Variants in S1PR5 observed in about 807,000 individuals in gnomAD.
The protein encoded by S1PR5 is sphingosine 1-phosphate receptor 5.
For missense variants in S1PR5, 583 were observed against 571.7 expected (o/e 1.02, Z -0.20); for synonymous variants, 307 against 284.7 (o/e 1.08, Z -0.79).
Position 10,514,862 on chromosome 19 carries a change from G to A in S1PR5, c.150C>T (p.Ile50=), listed in dbSNP as rs1403868564. The change falls in exon 2 of 2, where the codon ATC becomes ATT. Residue 50 remains isoleucine, a synonymous_variant. Transcript: ENST00000333430. ...ACAACACGGCTAGATTCTCTAGCAC[G>A]ATGAAGGCGCACACCGCCAGGCACA... ...AVVCLAVCAF[I]VLENLAVLLV... The A allele has an allele frequency of 6.2e-7, 1 of 1,612,780 alleles. No homozygotes were observed. The highest frequency in any genetic ancestry group is 2.2e-5 in the East Asian group (1 of 44,862).
chr19:10,514,077 T>C lies in S1PR5; in HGVS notation c.935A>G (p.Asp312Gly). Reference sequence around the variant, plus strand: ...CAGGCGCAGGAGCGCGTGGCGCAGGTCGCGGTTGGTGAGCGTGTAGATGAT... The same window carrying C: ...CAGGCGCAGGAGCGCGTGGCGCAGGCCGCGGTTGGTGAGCGTGTAGATGAT... ...NPIIYTLTNR[D>G]LRHALLRLVC... is the part of the protein sequence containing the mutation. Residue 312 changes from aspartate (D) to glycine (G), a missense_variant, in exon 2 of 2, where the codon GAC becomes GGC. Asp to Gly is a moderately conservative substitution (Grantham distance 94). Coordinates refer to ENST00000333430, the MANE Select transcript of S1PR5 (RefSeq NM_030760.5). The C allele has an allele frequency of 6.2e-7, 1 of 1,612,578 alleles. No individual in the cohort carries two copies. The highest frequency in any genetic ancestry group is 8.5e-7 in the Non-Finnish European group (1 of 1,179,772).
Position 10,513,462 on chromosome 19 carries a change from A to C in S1PR5, c.*353T>G. 1 of 493,622 alleles carries C rather than the reference A, an allele frequency of 2.0e-6. No individual in the cohort carries two copies. The highest frequency in any genetic ancestry group is 3.7e-5 in the South Asian group (1 of 27,030). 30.6% of individuals were successfully genotyped at this position (493,622 alleles called of 1,614,324 possible). On this transcript the variant is annotated 3_prime_UTR_variant, in exon 2 of 2. Coordinates refer to ENST00000333430, the MANE Select transcript of S1PR5 (RefSeq NM_030760.5). The stretch of plus-strand genomic sequence containing the variant: ...GGGCCTTTGCGCATGCCATTCCCTC[A>C]TCCTGAAATGCTTTTCTTTTGGTCT...
In S1PR5 at chr19:10,513,912, G is replaced by A. The variant is rs973534398; in HGVS notation, c.1100C>T (p.Ser367Leu). The A allele has an allele frequency of 6.2e-7, 1 of 1,608,076 alleles. No individual in the cohort carries two copies. The highest frequency in any genetic ancestry group is 8.5e-7 in the Non-Finnish European group (1 of 1,178,344). ...DGSFSGSERSSPQRDGLDTSG... is the reference protein window; with the variant it reads ...DGSFSGSERSLPQRDGLDTSG... ...GGTGTCCAGCCCGTCGCGCTGGGGC[G>A]ATGAGCGCTCCGAGCCGCTGAAGCT... is the stretch of plus-strand genomic sequence containing the variant. Residue 367 changes from serine (S) to leucine (L), a missense_variant, in exon 2 of 2, where the codon TCG becomes TTG. Transcript: ENST00000333430.
chr19:10,516,593 G>T (rs1915443485), intron 1 of S1PR5, among the ~76,000 whole-genome samples: 2 of 116,094 alleles, frequency 1.7e-5, no homozygotes, highest in African/African-American at 6.4e-5. Context: ...GGTGACAAGA[G>T]AGAAACTCCG....
chr19:10,517,591 G>T, upstream of S1PR5: 1 of 985,328 alleles, frequency 1.0e-6, no homozygotes, highest in Non-Finnish European at 1.2e-6. Context: ...TGTGCCACTC[G>T]CCGCGGCACC....
chr19:10,515,369 T>A (rs1231096945), intron 1 of S1PR5, among the ~76,000 whole-genome samples: 6 of 152,174 alleles, frequency 3.9e-5, no homozygotes, highest in Admixed American at 3.9e-4. Flanking sequence ...GGCTCAGGCC[T>A]GGGAGGCCAA....
chr19:10,517,742 C>T (rs1009118419), upstream of S1PR5: 11 of 972,816 alleles, frequency 1.1e-5, no homozygotes, highest in Middle Eastern at 5.3e-4. Context: ...AGGGCGGTCG[C>T]AGCCTGAGCC....
chr19:10,517,300 T>C, intron 1 of S1PR5, 98 bp downstream of exon 1: 1 of 879,460 alleles, frequency 1.1e-6, no homozygotes, highest in Non-Finnish European at 1.4e-6. Context: ...CTGCAAGGAG[T>C]GGTGCGCCTT....
Position 10,513,765 on chromosome 19 carries a change from A to G in S1PR5, c.*50T>C. The G allele has an allele frequency of 6.3e-7, 1 of 1,581,432 alleles. No homozygotes were observed. Among genetic ancestry groups the G allele is most frequent in the South Asian group, 1.1e-5 (1 of 87,180 alleles). Reference sequence around the variant, plus strand: ...GCATTTCCTACAAATTCCTTTATGTAAAAAGAACAAGTCTGTAAAACTTGG... The same window carrying G: ...GCATTTCCTACAAATTCCTTTATGTGAAAAGAACAAGTCTGTAAAACTTGG... On this transcript the variant is annotated 3_prime_UTR_variant, in exon 2 of 2. Coordinates refer to ENST00000333430, the MANE Select transcript of S1PR5 (RefSeq NM_030760.5).
intron 1 of S1PR5, 139 bp from the exon 2 acceptor site, chr19:10,515,168 G>A: frequency 2.8e-6 from 3 of 1,087,880 alleles, no homozygotes; most frequent in Non-Finnish European, 3.8e-6. Flanking sequence ...GTTCAGGATG[G>A]AGGGATAGAG....
chr19:10,514,427 G>A lies in S1PR5; in HGVS notation c.585C>T (p.Leu195=). 1.2e-6 allele frequency: 2 copies of A among 1,609,820 alleles called. No individual in the cohort carries two copies. The highest frequency in any genetic ancestry group is 1.7e-6 in the Non-Finnish European group (2 of 1,178,470). The change falls in exon 2 of 2, where the codon CTC becomes CTT. Residue 195 remains leucine (L), a synonymous_variant. Transcript: ENST00000333430. ...VLPLYAKAYV[L]FCVLAFVGIL... Reference sequence around the variant, plus strand: ...TGCCCACGAAGGCGAGCACGCAGAAGAGCACGTAGGCCTTGGCGTAGAGCG... The same window carrying A: ...TGCCCACGAAGGCGAGCACGCAGAAAAGCACGTAGGCCTTGGCGTAGAGCG...
chr19:10,514,947 G>A lies in S1PR5; in HGVS notation c.65C>T (p.Thr22Ile). The change falls in exon 2 of 2, where the codon ACC becomes ATC. Residue 22 changes from threonine to isoleucine, a missense_variant. By Grantham distance (89) the Thr-to-Ile change is moderately conservative (BLOSUM62 -1). Coordinates refer to ENST00000333430, the MANE Select transcript of S1PR5 (RefSeq NM_030760.5). ...GTAGCGCGCACCGCGGAGCTTGCCG[G>A]TGTAGTTGTAATGCAGGACGATGAC... The part of the protein sequence containing the change: ...SEVIVLHYNY[T>I]GKLRGARYQP... 1 of 1,605,308 alleles carries A rather than the reference G, an allele frequency of 6.2e-7. No individual in the cohort carries two copies. Among genetic ancestry groups the A allele is most frequent in the Non-Finnish European group, 8.5e-7 (1 of 1,177,916 alleles).
chr19:10,514,770 G>T lies in S1PR5; in HGVS notation c.242C>A (p.Ser81Ter). 1 of 1,612,990 alleles carries T rather than the reference G, an allele frequency of 6.2e-7. No individual in the cohort carries two copies. The highest frequency in any genetic ancestry group is 8.5e-7 in the Non-Finnish European group (1 of 1,179,726). The change falls in exon 2 of 2, where the codon TCG becomes TAG. Residue 81 changes from serine (S) to a stop codon, truncating the protein, a stop_gained. Transcript: ENST00000333430. LOFTEE classifies it low-confidence loss of function (END_TRUNC). ...MFLLLGSLTL[S>*]DLLAGAAYAA... The stretch of plus-strand genomic sequence containing the variant: ...GTAGGCGGCGCCTGCCAGCAGATCC[G>T]ACAACGTGAGGCTGCCCAGGAGCAG...
In S1PR5 at chr19:10,513,792, AAG is replaced by A; in HGVS notation, c.*21_*22del. 6.2e-7 allele frequency: 1 copy of A among 1,604,618 alleles called. No individual in the cohort carries two copies. The highest frequency in any genetic ancestry group is 1.1e-5 in the South Asian group (1 of 89,940). On this transcript the variant is annotated 3_prime_UTR_variant, in exon 2 of 2. Coordinates refer to ENST00000333430, the MANE Select transcript of S1PR5 (RefSeq NM_030760.5). ...AAAGAACAAGTCTGTAAAACTTGGG[AAG>A]ACAGTCGTGGGCCGAGGGTGTCAGT... is the stretch of plus-strand genomic sequence containing the variant.
In S1PR5 at chr19:10,517,447, T is replaced by G; in HGVS notation, c.-68A>C. On this transcript the variant is annotated 5_prime_UTR_variant, in exon 1 of 2. Coordinates refer to ENST00000333430, the MANE Select transcript of S1PR5 (RefSeq NM_030760.5). ...CGCAGTCGCGCTGCCTTGAACCGAG[T>G]GAGCGGACGCCGCTCCGGGGGCGGG... 1.0e-6 allele frequency: 1 copy of G among 985,434 alleles called. No homozygotes were observed. Among genetic ancestry groups the G allele is most frequent in the Middle Eastern group, 5.2e-4 (1 of 1,914 alleles). The allele number at this position is 985,434 out of a possible 1,614,324, so 61.0% of individuals were successfully genotyped here. A position where few individuals can be genotyped will look rare whatever the true frequency, so the allele number is the denominator to read the frequency against.
Position 10,514,489 on chromosome 19 carries a change from A to G in S1PR5, c.523T>C (p.Cys175Arg). ...LGLLPALGWN[C>R]LGRLDACSTV... is the part of the protein sequence containing the mutation. ...GAGCAAGCGTCCAGGCGACCCAGGC[A>G]ATTCCAGCCCAGCGCTGGCAGGAGC... Residue 175 changes from cysteine to arginine, a missense_variant, in exon 2 of 2, where the codon TGC becomes CGC. Transcript: ENST00000333430. The G allele has an allele frequency of 1.2e-6, 2 of 1,604,658 alleles. No homozygotes were observed. Among genetic ancestry groups the G allele is most frequent in the Non-Finnish European group, 1.7e-6 (2 of 1,176,418 alleles).
rs1229366745 is a variant in S1PR5, at chr19:10,513,005, AT to A, written c.*809del. The stretch of plus-strand genomic sequence containing the variant: ...ATTTGGCTGAGTCTCCCAGAGTCAA[AT>A]TTGGGGGTGCCCCACCCTTGGCATT... On this transcript the variant is annotated 3_prime_UTR_variant, in exon 2 of 2. Transcript: ENST00000333430. 6.6e-6 allele frequency: 1 copy of A among 152,242 alleles called. No homozygotes were observed. The highest frequency in any genetic ancestry group is 1.5e-5 in the Non-Finnish European group (1 of 68,064). The allele number at this position is 152,242 out of a possible 1,614,324, so 9.4% of individuals were successfully genotyped here.
Position 10,517,407 on chromosome 19 carries a change from T to C in S1PR5, c.-28A>G, listed in dbSNP as rs546433617. The stretch of plus-strand genomic sequence containing the variant: ...AGTGCAGTCCACTCACTCTGCGCCC[T>C]GGTCGTGCGCCACCCGCAGTCGCGC... On this transcript the variant is annotated 5_prime_UTR_variant, in exon 1 of 2. Coordinates refer to ENST00000333430, the MANE Select transcript of S1PR5 (RefSeq NM_030760.5). 1.3e-4 allele frequency: 126 copies of C among 985,566 alleles called. No individual in the cohort carries two copies. In the East Asian group the frequency reaches 6.6e-3, roughly 51 times the overall value. 61.1% of individuals were successfully genotyped at this position (985,566 alleles called of 1,614,324 possible). A position where few individuals can be genotyped will look rare whatever the true frequency, so the allele number is the denominator to read the frequency against.
rs773799339 is a variant in S1PR5 at position 10,514,378 on chromosome 19, A to G, written c.634T>C (p.Tyr212His). 8.8e-6 allele frequency: 14 copies of G among 1,597,448 alleles called. No homozygotes were observed. The highest frequency in any genetic ancestry group is 6.7e-5 in the African/African-American group (5 of 74,666). Residue 212 changes from tyrosine (Y) to histidine (H), a missense_variant, in exon 2 of 2, where the codon TAC becomes CAC. Tyr to His is a moderately conservative substitution (Grantham distance 83). Coordinates refer to ENST00000333430, the MANE Select transcript of S1PR5 (RefSeq NM_030760.5). ...CGTACCTGGCAGTAGATGCGCGCGT[A>G]GAGTGCACAGATAGCGGCCAGGATG... ...VGILAAICAL[Y>H]ARIYCQVRAN...
Sources: allele counts gnomAD v4.1 joint callset (sites outside exome capture counted in the v4.1 genomes callset), GRCh38; gene constraint gnomAD v4.1.1; transcripts MANE v1.5; gene names NCBI Gene and HGNC (gene_info 2026-07-23, HGNC 2026-07-21).